The following ZNF423 variants were observed in gnomAD, a reference collection of about 807,000 sequenced individuals.
ZNF423 encodes zinc finger protein 423, also known as Ebf-associated zinc finger protein.
ZNF423 carries 12 observed loss-of-function variants against 95.8 expected under a neutral mutation model. The ratio of observed to expected loss-of-function variants is 0.13; its 90% CI spans 0.08 to 0.20. ZNF423 has a LOEUF of 0.20. Ranked by LOEUF, ZNF423 falls within the 10% of genes least tolerant of loss-of-function variation. The probability of loss-of-function intolerance (pLI) is 1.00; values close to 1 mark genes in which losing one functional copy is unlikely to be tolerated. For missense variants in ZNF423, 1,316 were observed against 1,737.1 expected (o/e 0.76, Z 4.31); for synonymous variants, 749 against 711.9 (o/e 1.05, Z -0.83).
chr16:49,792,040 G>A (rs1371483158), intron 1 of ZNF423, among the ~76,000 whole-genome samples: 3 of 150,770 alleles, frequency 2.0e-5, no homozygotes, highest in East Asian at 1.9e-4. Flanking sequence ...GTGGATCGGT[G>A]GTTGCCTGGG....
At chr16:49,709,902 A>C (rs1051425734) in intron 3 of ZNF423, among the ~76,000 whole-genome samples, 1 of 152,134 alleles carries the variant, frequency 6.6e-6, no homozygotes, top group Non-Finnish European at 1.5e-5. Context: ...TAAATCACAC[A>C]ATCAGTCTCA....
intron 3 of ZNF423, among the ~76,000 whole-genome samples, chr16:49,688,353 G>T (rs994616030): frequency 2.0e-5 from 3 of 152,166 alleles, no homozygotes; most frequent in Non-Finnish European, 4.4e-5. Flanking sequence ...TGGGTCTTTT[G>T]TATCAAGGGG....
intron 2 of ZNF423, among the ~76,000 whole-genome samples, chr16:49,769,132 G>T (rs1229904590): frequency 6.6e-6 from 1 of 152,114 alleles, no homozygotes; most frequent in African/African-American, 2.4e-5. Flanking sequence ...GAGGCGGGTG[G>T]ATCACCTGAG....
chr16:49,606,888 C>T (rs1173244405), intron 5 of ZNF423, among the ~76,000 whole-genome samples: 1 of 152,090 alleles, frequency 6.6e-6, no homozygotes, highest in African/African-American at 2.4e-5. Flanking sequence ...CGTGTGAAGG[C>T]CATTGGAACC....
rs555062941 is a variant in ZNF423, at chr16:49,636,863, A to G, written c.2313T>C (p.Ala771=). 1 of 1,614,050 alleles carries G rather than the reference A, an allele frequency of 6.2e-7. No individual in the cohort carries two copies. Among genetic ancestry groups the G allele is most frequent in the East Asian group, 2.2e-5 (1 of 44,880 alleles). The change falls in exon 4 of 8, where the codon GCT becomes GCC. Residue 771 remains alanine (A), a synonymous_variant. Transcript: ENST00000563137. This position sits in a 1 kb window ranked among gnomAD's most constrained non-coding sequence, Gnocchi z 8.6. ...TACNWDFRKE[A]DLQVHVKHSH... ...TGTGTTTGACGTGCACCTGCAGGTC[A>G]GCCTCCTTGCGGAAGTCCCAGTTGC...
chr16:49,588,154 C>G (rs1051479046), intron 5 of ZNF423, among the ~76,000 whole-genome samples: 7 of 152,190 alleles, frequency 4.6e-5, no homozygotes. Flanking sequence ...TATTCCAAGC[C>G]TAGGGTGGAG....
At chr16:49,792,533 G>T (rs9930285) in intron 1 of ZNF423, among the ~76,000 whole-genome samples, 151 of 152,296 alleles carry the variant, frequency 9.9e-4, no homozygotes, top group African/African-American at 3.6e-3. Context: ...GCAAGCAGCC[G>T]CATGACACAA....
chr16:49,748,750 C>T (rs1360063869), intron 2 of ZNF423, among the ~76,000 whole-genome samples: 1 of 152,120 alleles, frequency 6.6e-6, no homozygotes, highest in Non-Finnish European at 1.5e-5. Flanking sequence ...TGATGGGTAC[C>T]CACCTGTGAC....
intron 1 of ZNF423, among the ~76,000 whole-genome samples, chr16:49,830,788 G>A (rs1445909126): frequency 3.3e-5 from 5 of 152,138 alleles, no homozygotes; most frequent in Admixed American, 2.0e-4. Context: ...TCTGCTGACA[G>A]TACTGAGCTG....
chr16:49,765,740 A>G (rs1245162418), intron 2 of ZNF423, among the ~76,000 whole-genome samples: 2 of 152,300 alleles, frequency 1.3e-5, no homozygotes, highest in African/African-American at 4.8e-5. Context: ...AAAATAAGTC[A>G]AAGAAAAGGG....
At chr16:49,720,969 T>C (rs543028494) in intron 3 of ZNF423, among the ~76,000 whole-genome samples, 1 of 152,346 alleles carries the variant, frequency 6.6e-6, no homozygotes, top group East Asian at 1.9e-4. Flanking sequence ...CCTCAGGACT[T>C]CTACCCTGGC....
chr16:49,532,278 G>A (rs943847661), intron 5 of ZNF423, among the ~76,000 whole-genome samples: 5 of 152,228 alleles, frequency 3.3e-5, no homozygotes, highest in East Asian at 1.9e-4. Flanking sequence ...CCCGCATCAC[G>A]GCTGTCCCCG....
chr16:49,683,481 C>A (rs992564295), intron 3 of ZNF423, among the ~76,000 whole-genome samples: 1 of 152,142 alleles, frequency 6.6e-6, no homozygotes, highest in Non-Finnish European at 1.5e-5. Context: ...ACTTGACACC[C>A]AGAGGACAAA....
At chr16:49,509,129 A>G (rs544741736) in intron 7 of ZNF423, among the ~76,000 whole-genome samples, 27 of 152,332 alleles carry the variant, frequency 1.8e-4, no homozygotes, top group Admixed American at 1.2e-3. Context: ...TGAGGCTCAG[A>G]AAAGCAAAGT....
At position 49,636,176 on chromosome 16, in the gene ZNF423, G is replaced by A. The variant is rs1360747558; in HGVS notation, c.3000C>T (p.Ile1000=). 16 of 1,613,560 alleles carry A rather than the reference G, an allele frequency of 9.9e-6. No homozygotes were observed. Among genetic ancestry groups the A allele is most frequent in the Non-Finnish European group, 1.3e-5 (15 of 1,180,046 alleles). ...SKSLDTGTCR[I]CKMPLQSEEE... Reference sequence around the variant, plus strand: ...CCTCGCTCTGCAGGGGCATCTTGCAGATGCGACAGGTGCCCGTGTCCAGGC... The same window carrying A: ...CCTCGCTCTGCAGGGGCATCTTGCAAATGCGACAGGTGCCCGTGTCCAGGC... The change falls in exon 4 of 8, where the codon ATC becomes ATT. Residue 1000 remains isoleucine, a synonymous_variant. Coordinates refer to ENST00000563137, the MANE Select transcript of ZNF423 (RefSeq NM_001379286.1). The surrounding 1 kb of genome is among the most constrained non-coding windows in gnomAD (Gnocchi z 8.6).
chr16:49,757,122 A>G (rs879425223), intron 2 of ZNF423, among the ~76,000 whole-genome samples: 3 of 152,242 alleles, frequency 2.0e-5, no homozygotes, highest in African/African-American at 4.8e-5. Flanking sequence ...ACGCTGTGCA[A>G]TGTTGGGACT....
intron 5 of ZNF423, among the ~76,000 whole-genome samples, chr16:49,571,550 G>A (rs750547982): frequency 1.3e-5 from 2 of 152,148 alleles, no homozygotes; most frequent in South Asian, 2.1e-4. Context: ...GGGGAGGATG[G>A]GGGTGTCTGA....
intron 2 of ZNF423, among the ~76,000 whole-genome samples, chr16:49,751,491 A>G (rs12599446): frequency 0.014 from 2,107 of 152,228 alleles, 109 homozygotes; most frequent in Admixed American, 0.091. Context: ...CAGAGATGGG[A>G]GCCCACATGA....
At chr16:49,751,881 T>C (rs2033639181) in intron 2 of ZNF423, among the ~76,000 whole-genome samples, 1 of 152,098 alleles carries the variant, frequency 6.6e-6, no homozygotes, top group Non-Finnish European at 1.5e-5. Context: ...TTTTCTTCCT[T>C]CCAAGGCTAA....
Sources: gnomAD v4.1 joint callset for allele counts (sites outside exome capture counted in the v4.1 genomes callset) on GRCh38, gnomAD v4.1.1 for gene constraint, Gnocchi (gnomAD v3.1) non-coding constraint, MANE v1.5 for transcripts, NCBI Gene and HGNC (gene_info 2026-07-23, HGNC 2026-07-21) for gene names.